The following FHIT variants were observed in gnomAD, a reference collection of about 807,000 sequenced individuals.
FHIT encodes bis(5'-adenosyl)-triphosphatase.
A neutral mutation model predicts 17.9 loss-of-function variants in FHIT; 19 were observed. The ratio of observed to expected loss-of-function variants is 1.06; its 90% CI spans 0.74 to 1.56. The LOEUF is 1.56. Ranked by LOEUF, FHIT falls within the 40% of genes most tolerant of loss-of-function variation. The pLI, the probability that FHIT is intolerant of heterozygous loss-of-function variation, is 0.00. For synonymous variants in FHIT, 81 were observed against 69.7 expected (o/e 1.16, Z -0.81); for missense variants, 248 against 189.2 (o/e 1.31, Z -1.82).
intron 5 of FHIT, among the ~76,000 whole-genome samples, chr3:60,147,389 G>T (rs1700285193): frequency 6.6e-6 from 1 of 152,094 alleles, no homozygotes; most frequent in African/African-American, 2.4e-5. Context: ...GCAGCTCTGG[G>T]TTTCGAAGGA....
At chr3:60,221,223 CT>C (rs1703942799) in intron 5 of FHIT, among the ~76,000 whole-genome samples, 1 of 152,136 alleles carries the variant, frequency 6.6e-6, no homozygotes, top group Non-Finnish European at 1.5e-5. Context: ...TTTTCATCAA[CT>C]AACATGGCAT....
chr3:59,771,256 A>AGAT (rs1365927294), intron 8 of FHIT, among the ~76,000 whole-genome samples: 20 of 152,356 alleles, frequency 1.3e-4, no homozygotes, highest in African/African-American at 4.8e-4. Context: ...ATGTCATAAT[A>AGAT]GATGGAAGGA....
At chr3:60,466,302 C>T (rs1324200523) in intron 5 of FHIT, among the ~76,000 whole-genome samples, 1 of 151,924 alleles carries the variant, frequency 6.6e-6, no homozygotes, top group East Asian at 1.9e-4. Flanking sequence ...TTAGATTTTT[C>T]CAAATATAAG....
At chr3:60,776,756 G>A (rs1700228655) in intron 4 of FHIT, among the ~76,000 whole-genome samples, 1 of 152,200 alleles carries the variant, frequency 6.6e-6, no homozygotes, top group African/African-American at 2.4e-5. Flanking sequence ...TACATGCAAG[G>A]TGTATGAGAA....
intron 4 of FHIT, among the ~76,000 whole-genome samples, chr3:60,538,100 G>A (rs974357949): frequency 2.0e-5 from 3 of 152,034 alleles, no homozygotes; most frequent in African/African-American, 4.8e-5. Flanking sequence ...GTAGCTTCAG[G>A]ATGGGGTTGA....
In FHIT at chr3:60,952,181, A is replaced by G. The variant is rs550368938; in HGVS notation, c.-111+89866T>C. On this transcript the variant is annotated intron_variant, in intron 3 of 9. Transcript: ENST00000492590. ...CTCCGTCCTCCCCACCCCCCCCCCA[A>G]AAAAAAAAAAGAGATTCCACTTTTT... Among the ~76,000 whole-genome samples the G allele has an allele frequency of 3.2e-4, 27 of 84,262 alleles. No homozygotes were observed. The East Asian group carries it at 4.6e-3, about 14-fold the overall frequency. 55.3% of individuals were successfully genotyped at this position (84,262 alleles called of 152,430 possible). A position where few individuals can be genotyped will look rare whatever the true frequency, so the allele number is the denominator to read the frequency against.
intron 5 of FHIT, among the ~76,000 whole-genome samples, chr3:60,046,010 A>C (rs1179961721): frequency 2.0e-5 from 3 of 152,186 alleles, no homozygotes; most frequent in South Asian, 4.1e-4. Context: ...TGCCCTTCTA[A>C]AACCTTTTTC....
intron 3 of FHIT, among the ~76,000 whole-genome samples, chr3:60,984,698 T>C (rs1355724688): frequency 6.6e-6 from 1 of 152,080 alleles, no homozygotes; most frequent in Non-Finnish European, 1.5e-5. Flanking sequence ...CTTAGGAAAT[T>C]GTAACGAGAA....
At chr3:60,024,253 G>C (rs1254621827) in intron 5 of FHIT, among the ~76,000 whole-genome samples, 1 of 151,984 alleles carries the variant, frequency 6.6e-6, no homozygotes, top group Non-Finnish European at 1.5e-5. Flanking sequence ...TCAAATAAAT[G>C]AAAGAGAGTC....
At chr3:60,531,385 T>C (rs1241272103) in intron 5 of FHIT, among the ~76,000 whole-genome samples, 3 of 150,922 alleles carry the variant, frequency 2.0e-5, no homozygotes, top group African/African-American at 7.3e-5. Context: ...TTCACGCCAT[T>C]CTCCTGCCTC....
intron 2 of FHIT, among the ~76,000 whole-genome samples, chr3:61,080,207 C>T (rs908124569): frequency 8.5e-5 from 13 of 152,050 alleles, no homozygotes; most frequent in Non-Finnish European, 4.4e-5. Context: ...TACTTAATTA[C>T]AAAATAAGAT....
intron 7 of FHIT, among the ~76,000 whole-genome samples, chr3:59,961,406 T>C (rs1031639331): frequency 2.6e-5 from 4 of 152,230 alleles, no homozygotes; most frequent in Non-Finnish European, 4.4e-5. Flanking sequence ...CATTTCGCTG[T>C]ACTTATAGCT....
chr3:60,426,948 G>A (rs1702691409), intron 5 of FHIT, among the ~76,000 whole-genome samples: 1 of 152,056 alleles, frequency 6.6e-6, no homozygotes, highest in Non-Finnish European at 1.5e-5. Context: ...GTAAGACGGA[G>A]TACACTTCTG....
chr3:60,955,597 C>CATATATATATATATAT (rs201555469), intron 3 of FHIT, among the ~76,000 whole-genome samples: 18 of 77,672 alleles, frequency 2.3e-4, no homozygotes, highest in African/African-American at 8.4e-4. Context: ...CATATATATA[C>CATATATATATATATAT]ATATATATAT....
intron 3 of FHIT, among the ~76,000 whole-genome samples, chr3:60,822,741 C>G (rs1701970638): frequency 6.6e-6 from 1 of 152,056 alleles, no homozygotes; most frequent in Admixed American, 6.5e-5. Flanking sequence ...ATGTTAGATG[C>G]TAGGGCAAAG....
chr3:59,766,388 TGGA>T (rs1701798378), intron 8 of FHIT, among the ~76,000 whole-genome samples: 1 of 152,214 alleles, frequency 6.6e-6, no homozygotes, highest in African/African-American at 2.4e-5. Context: ...ATAAAAGTAC[TGGA>T]GTTATTAACT....
chr3:60,857,629 C>T (rs1553750313), intron 3 of FHIT, among the ~76,000 whole-genome samples: 1 of 152,168 alleles, frequency 6.6e-6, no homozygotes, highest in Non-Finnish European at 1.5e-5. Flanking sequence ...ACATCTGAGA[C>T]AGAATATAAA....
intron 4 of FHIT, among the ~76,000 whole-genome samples, chr3:60,643,506 G>A (rs1034738044): frequency 4.6e-5 from 7 of 152,062 alleles, no homozygotes; most frequent in African/African-American, 1.4e-4. Flanking sequence ...ACTATACTAC[G>A]AGGCAGAGTG....
At chr3:60,511,229 C>G (rs1447976) in intron 5 of FHIT, among the ~76,000 whole-genome samples, 24,307 of 152,008 alleles carry the variant, frequency 0.16, 2,431 homozygotes, top group African/African-American at 0.26. Flanking sequence ...AAATATGTAT[C>G]GTACTGAGAA....
Sources: gnomAD v4.1 joint callset for allele counts (sites outside exome capture counted in the v4.1 genomes callset) on GRCh38, gnomAD v4.1.1 for gene constraint, MANE v1.5 for transcripts, NCBI Gene and HGNC (gene_info 2026-07-23, HGNC 2026-07-21) for gene names.